MCM10: variants seen among roughly 807,000 people sequenced by gnomAD.
MCM10 encodes protein MCM10 homolog.
In MCM10, 91 loss-of-function variants were observed where a neutral mutation model predicts 109.9. The observed-to-expected ratio is 0.83, with a 90% CI of 0.70 to 0.99. MCM10 has a LOEUF of 0.99. Among genes scored for constraint, MCM10 ranks in the 50% least tolerant of loss-of-function variants. MCM10 has a pLI of 0.00. For missense variants in MCM10, 1,077 were observed against 1,061.2 expected (o/e 1.01, Z -0.21); for synonymous variants, 380 against 387.2 (o/e 0.98, Z 0.22).
rs1432150427 is a variant in MCM10, at chr10:13,204,353, C to A, written c.2487C>A (p.Asn829Lys). The change falls in exon 18 of 20, where the codon AAC (asparagine) becomes AAA (lysine). Residue 829 changes from asparagine (N) to lysine (K), a missense_variant. By Grantham distance (94) the Asn-to-Lys change is moderately conservative. Coordinates refer to ENST00000378714, the MANE Select transcript of MCM10 (RefSeq NM_018518.5). ...NRSISLDRLP[N>K]KHCSNCGLYK... ...GCATCTCCTTGGACAGACTCCCGAA[C>A]AAGCACTGCAGGTATGAGAATCACC... 1 of 1,614,070 alleles carries A rather than the reference C, an allele frequency of 6.2e-7. No individual in the cohort carries two copies. Among genetic ancestry groups the A allele is most frequent in the Non-Finnish European group, 8.5e-7 (1 of 1,180,024 alleles).
intron 2 of MCM10, 106 bp from the exon 3 acceptor site, chr10:13,170,816 C>A (rs1834060693): frequency 1.2e-6 from 1 of 861,984 alleles, no homozygotes; most frequent in Non-Finnish European, 1.8e-6. Flanking sequence ...GCATTGTACC[C>A]ATTAGGTAGT....
chr10:13,168,260 C>A (rs1391330514), intron 2 of MCM10, among the ~76,000 whole-genome samples: 1 of 152,190 alleles, frequency 6.6e-6, no homozygotes, highest in Admixed American at 6.5e-5. Context: ...CACTGTGCAG[C>A]CTTGGAGTCT....
chr10:13,209,452 T>G lies in MCM10; in HGVS notation c.*142T>G, dbSNP rs1834629585. 1.5e-6 allele frequency: 1 copy of G among 672,750 alleles called. No homozygotes were observed. The highest frequency in any genetic ancestry group is 1.9e-5 in the South Asian group (1 of 52,062). The allele number at this position is 672,750 out of a possible 1,614,324, so 41.7% of individuals were successfully genotyped here. A position where few individuals can be genotyped will look rare whatever the true frequency, so the allele number is the denominator to read the frequency against. ...GTTAAGCCCATAAGCTTTGCCTGCT[T>G]ACTTTCTGCCATTGGGTTGGTTTGA... On this transcript the variant is annotated 3_prime_UTR_variant, in exon 20 of 20. Transcript: ENST00000378714.
intron 5 of MCM10, among the ~76,000 whole-genome samples, chr10:13,174,167 G>T (rs1356655736): frequency 1.7e-5 from 2 of 114,310 alleles, no homozygotes; most frequent in South Asian, 3.1e-4. Context: ...TTTTGAGACA[G>T]AGTCTCACTC....
intron 18 of MCM10, 127 bp from the exon 19 acceptor site, chr10:13,208,964 C>T (rs1483768031): frequency 9.6e-6 from 7 of 725,786 alleles, no homozygotes; most frequent in Admixed American, 6.6e-5. Flanking sequence ...GCATACAATA[C>T]GAATGTCACC....
At chr10:13,191,236 T>C in intron 10 of MCM10, 63 bp from the exon 11 acceptor site, 1 of 1,091,972 alleles carries the variant, frequency 9.2e-7, no homozygotes, top group Non-Finnish European at 1.4e-6. Context: ...CTATGCCTTC[T>C]TTACCTCATC....
intron 6 of MCM10, among the ~76,000 whole-genome samples, chr10:13,176,783 C>T (rs1282369313): frequency 6.6e-6 from 1 of 152,112 alleles, no homozygotes. Flanking sequence ...GTCCTAGCTA[C>T]CTGGGGGTGC....
chr10:13,179,793 T>TCTTA (rs1376627744), intron 6 of MCM10, among the ~76,000 whole-genome samples: 2 of 152,190 alleles, frequency 1.3e-5, no homozygotes. Context: ...AATTTAAGTG[T>TCTTA]CTTATTTATG....
At chr10:13,189,620 G>A in intron 10 of MCM10, among the ~76,000 whole-genome samples, 1 of 152,220 alleles carries the variant, frequency 6.6e-6, no homozygotes, top group East Asian at 1.9e-4. Flanking sequence ...ACTGCTCCCA[G>A]CCCCTCTTTG....
intron 2 of MCM10, 63 bp downstream of exon 2, chr10:13,164,272 T>C: frequency 6.7e-7 from 1 of 1,490,342 alleles, no homozygotes; most frequent in Non-Finnish European, 9.1e-7. Context: ...TCCATGGACT[T>C]GTTATTTATT....
chr10:13,192,771 T>C (rs1834366256), intron 13 of MCM10, among the ~76,000 whole-genome samples: 1 of 152,182 alleles, frequency 6.6e-6, no homozygotes, highest in South Asian at 2.1e-4. Flanking sequence ...CACCAAATGG[T>C]ACAGGTTAGA....
At position 13,203,998 on chromosome 10, in the gene MCM10, G is replaced by T. The variant is rs560478223; in HGVS notation, c.2353-221G>T. 1.4e-4 allele frequency among the ~76,000 whole-genome samples: 22 copies of T among 152,184 alleles called. No individual in the cohort carries two copies. In the South Asian group the frequency reaches 4.1e-3, roughly 29 times the overall value. ...TTATTGTGTACTTTGTGCCTGATCA[G>T]AAATTGGGACAAACGTGAGAAACGG... On this transcript the variant is annotated intron_variant, in intron 17 of 19. Transcript: ENST00000378714.
intron 3 of MCM10, among the ~76,000 whole-genome samples, chr10:13,171,944 T>A (rs1310316711): frequency 1.3e-5 from 2 of 151,876 alleles, no homozygotes; most frequent in Non-Finnish European, 2.9e-5. Context: ...TTTTTTATTT[T>A]TTTTATTTTT....
chr10:13,166,926 G>A (rs1834009102), intron 2 of MCM10, among the ~76,000 whole-genome samples: 1 of 151,788 alleles, frequency 6.6e-6, no homozygotes, highest in African/African-American at 2.4e-5. Flanking sequence ...ATCGCTTGAG[G>A]CCAGGAGTTC....
intron 13 of MCM10, 36 bp from the exon 14 acceptor site, chr10:13,195,005 C>T (rs751654644): frequency 6.3e-7 from 1 of 1,581,624 alleles, no homozygotes; most frequent in Non-Finnish European, 8.7e-7. Flanking sequence ...TTTTCGTAAA[C>T]CCTGTTTGCG....
At chr10:13,190,558 GC>G (rs1834334516) in intron 10 of MCM10, among the ~76,000 whole-genome samples, 1 of 152,096 alleles carries the variant, frequency 6.6e-6, no homozygotes, top group Non-Finnish European at 1.5e-5. Context: ...GGTGGCACAT[GC>G]CTGTAGTCCC....
At chr10:13,191,221 G>A in intron 10 of MCM10, 78 bp from the exon 11 acceptor site, 1 of 924,314 alleles carries the variant, frequency 1.1e-6, no homozygotes, top group East Asian at 2.4e-5. Flanking sequence ...AATAAATGAT[G>A]ATATCTATGC....
intron 13 of MCM10, among the ~76,000 whole-genome samples, chr10:13,194,545 C>CA (rs1314105325): frequency 2.0e-5 from 3 of 151,454 alleles, no homozygotes; most frequent in Non-Finnish European, 2.9e-5. Flanking sequence ...GACTCTGTCT[C>CA]AAAAAAATCA....
At chr10:13,176,115 C>G (rs1169985154) in intron 6 of MCM10, among the ~76,000 whole-genome samples, 1 of 151,992 alleles carries the variant, frequency 6.6e-6, no homozygotes, top group Non-Finnish European at 1.5e-5. Context: ...TTTTGCGGTT[C>G]TGTATAAATT....
Sources: allele counts gnomAD v4.1 joint callset (sites outside exome capture counted in the v4.1 genomes callset), GRCh38; gene constraint gnomAD v4.1.1; transcripts MANE v1.5; gene names NCBI Gene and HGNC (gene_info 2026-07-23, HGNC 2026-07-21).